PTPRD: variants seen among roughly 807,000 people sequenced by gnomAD.
The protein encoded by PTPRD is protein tyrosine phosphatase receptor type D.
PTPRD carries 34 observed loss-of-function variants against 214.5 expected under a neutral mutation model. The observed-to-expected ratio is 0.16, with a 90% CI of 0.12 to 0.21. The LOEUF is 0.21. PTPRD is among the 10% of genes least tolerant of loss of function. The probability of loss-of-function intolerance (pLI) is 1.00; values close to 1 mark genes in which losing one functional copy is unlikely to be tolerated. For missense variants in PTPRD, 2,545 were observed against 2,398.7 expected (o/e 1.06, Z -1.27); for synonymous variants, 1,128 against 845.7 (o/e 1.33, Z -5.79).
intron 2 of PTPRD, among the ~76,000 whole-genome samples, chr9:10,496,447 T>G (rs2042056075): frequency 6.6e-6 from 1 of 152,040 alleles, no homozygotes; most frequent in African/African-American, 2.4e-5. Flanking sequence ...TTATTAAATC[T>G]ATTTGTTTTT....
chr9:9,972,301 T>G (rs1052363343), intron 4 of PTPRD, among the ~76,000 whole-genome samples: 1 of 152,158 alleles, frequency 6.6e-6, no homozygotes, highest in African/African-American at 2.4e-5. Flanking sequence ...AGTGAAAACT[T>G]GCCCCTATTT....
chr9:9,812,151 A>G (rs1005380094), intron 5 of PTPRD, among the ~76,000 whole-genome samples: 2 of 152,140 alleles, frequency 1.3e-5, no homozygotes, highest in South Asian at 4.1e-4. Context: ...TTTTTTAGAC[A>G]TATGCTATTT....
intron 2 of PTPRD, among the ~76,000 whole-genome samples, chr9:10,381,894 ATAATAG>A (rs1172665854): frequency 2.0e-5 from 3 of 151,978 alleles, no homozygotes; most frequent in Non-Finnish European, 4.4e-5. Flanking sequence ...GTAAAAAGTG[ATAATAG>A]TAATATCTAA....
intron 4 of PTPRD, among the ~76,000 whole-genome samples, chr9:10,010,958 T>G (rs2096586426): frequency 6.6e-6 from 1 of 151,898 alleles, no homozygotes; most frequent in South Asian, 2.1e-4. Flanking sequence ...CATAAAGTAA[T>G]TATGGACAAG....
At position 8,357,084 on chromosome 9, in the gene PTPRD, G is replaced by A. The variant is rs142930993; in HGVS notation, c.4662-15106C>T. Among the ~76,000 whole-genome samples the A allele has an allele frequency of 1.8e-3, 268 of 152,168 alleles. 1 individual carries two copies. The highest frequency in any genetic ancestry group is 3.1e-3 in the Admixed American group (47 of 15,280). On this transcript the variant is annotated intron_variant, in intron 39 of 45. Transcript: ENST00000381196. ...GATATCTATTTTACATAAGCTATAC[G>A]CTACAAAGAACCTGAGATGCCTTCC... is the stretch of plus-strand genomic sequence containing the variant.
At chr9:9,230,374 T>C (rs1569564882) in intron 9 of PTPRD, among the ~76,000 whole-genome samples, 3 of 152,112 alleles carry the variant, frequency 2.0e-5, no homozygotes, top group South Asian at 2.1e-4. Flanking sequence ...AGGTAGGATA[T>C]GCCCCATTCA....
At chr9:8,670,031 T>C (rs2097251804) in intron 12 of PTPRD, among the ~76,000 whole-genome samples, 1 of 151,944 alleles carries the variant, frequency 6.6e-6, no homozygotes, top group African/African-American at 2.4e-5. Flanking sequence ...TTTTTTTTTT[T>C]TAATTCATCA....
At chr9:8,546,517 GAGAC>G (rs1042963442) in intron 14 of PTPRD, among the ~76,000 whole-genome samples, 2 of 148,824 alleles carry the variant, frequency 1.3e-5, no homozygotes, top group South Asian at 2.1e-4. Flanking sequence ...TTTTTTTTGT[GAGAC>G]AGAGTCTCAC....
intron 5 of PTPRD, among the ~76,000 whole-genome samples, chr9:9,791,047 G>C (rs913117266): frequency 2.0e-5 from 3 of 152,082 alleles, no homozygotes; most frequent in South Asian, 2.1e-4. Context: ...GCTTATAGTA[G>C]AATGCATTAA....
chr9:10,194,658 C>A (rs949298723), intron 3 of PTPRD, among the ~76,000 whole-genome samples: 4 of 105,316 alleles, frequency 3.8e-5, no homozygotes, highest in Admixed American at 1.2e-4. Context: ...AAAACTAAAT[C>A]TAAAAATACT....
intron 11 of PTPRD, among the ~76,000 whole-genome samples, chr9:8,761,479 G>A (rs555333602): frequency 6.6e-6 from 1 of 152,128 alleles, no homozygotes; most frequent in Admixed American, 6.6e-5. Context: ...CATGGATGGA[G>A]AGAGCAAGCA....
intron 9 of PTPRD, among the ~76,000 whole-genome samples, chr9:9,304,056 C>A (rs1019479447): frequency 1.4e-4 from 22 of 152,126 alleles, no homozygotes; most frequent in African/African-American, 5.3e-4. Flanking sequence ...CTAATTTTTA[C>A]CTTCATGTTC....
chr9:8,492,638 T>G (rs554949802), intron 27 of PTPRD, among the ~76,000 whole-genome samples: 1 of 151,400 alleles, frequency 6.6e-6, no homozygotes, highest in East Asian at 1.9e-4. Context: ...AAAAAAATAC[T>G]TATTGAATGA....
intron 12 of PTPRD, among the ~76,000 whole-genome samples, chr9:8,647,746 G>T (rs1455939093): frequency 2.0e-5 from 3 of 152,146 alleles, no homozygotes; most frequent in African/African-American, 7.2e-5. Flanking sequence ...GCAGCAATGT[G>T]TCAGAATGTC....
chr9:8,987,187 T>C (rs561673720), intron 11 of PTPRD, among the ~76,000 whole-genome samples: 88 of 152,238 alleles, frequency 5.8e-4, no homozygotes, highest in Non-Finnish European at 5.7e-4. Context: ...ATATATTTAT[T>C]TGTCATTAGT....
At position 9,566,335 on chromosome 9, in the gene PTPRD, TTTTA is replaced by T. The variant is rs2084522410; in HGVS notation, c.-237+8393_-237+8396del. Among the ~76,000 whole-genome samples the T allele has an allele frequency of 2.6e-5, 4 of 151,998 alleles. No individual in the cohort carries two copies. In the South Asian group the frequency reaches 8.3e-4, roughly 31 times the overall value. ...AAATTATAATACACAACTATAAGAA[TTTTA>T]TTTGTTTAATGTACAATGAGCTTAA... On this transcript the variant is annotated intron_variant, in intron 8 of 45. Coordinates refer to ENST00000381196, the MANE Select transcript of PTPRD (RefSeq NM_002839.4).
Position 9,793,631 on chromosome 9 carries a change from C to T in PTPRD, c.-367-26780G>A, listed in dbSNP as rs147662515. ...TTACTCCTATTATATATATCCTAAA[C>T]GTGAATCAAGCGGGAAAAATTTTTT... On this transcript the variant is annotated intron_variant, in intron 5 of 45. Coordinates refer to ENST00000381196, the MANE Select transcript of PTPRD (RefSeq NM_002839.4). Among the ~76,000 whole-genome samples the T allele has an allele frequency of 3.4e-3, 521 of 151,900 alleles. 5 individuals are homozygous for T. The highest frequency in any genetic ancestry group is 8.3e-3 in the African/African-American group (342 of 41,434).
intron 3 of PTPRD, among the ~76,000 whole-genome samples, chr9:10,135,526 G>C (rs964280065): frequency 3.3e-5 from 5 of 152,042 alleles, no homozygotes; most frequent in African/African-American, 1.2e-4. Context: ...GCTAACAGTG[G>C]ACCTCTCAGC....
In PTPRD at chr9:10,561,093, G is replaced by A. The variant is rs539559516; in HGVS notation, c.-600+51305C>T. ...ATGAATATATAAAATTGACTTCAAT[G>A]CAAAAATGACAACCAACAGTAGCAT... On this transcript the variant is annotated intron_variant, in intron 2 of 45. Transcript: ENST00000381196. 1.1e-4 allele frequency among the ~76,000 whole-genome samples: 16 copies of A among 152,188 alleles called. No individual in the cohort carries two copies. The South Asian group carries it at 3.3e-3, about 32-fold the overall frequency.
Sources: allele counts gnomAD v4.1 joint callset (sites outside exome capture counted in the v4.1 genomes callset), GRCh38; gene constraint gnomAD v4.1.1; transcripts MANE v1.5; gene names NCBI Gene and HGNC (gene_info 2026-07-23, HGNC 2026-07-21).